Variants in MYO16 observed in about 807,000 individuals in gnomAD.
MYO16 encodes unconventional myosin-XVI.
Under a neutral mutation model 205.3 loss-of-function variants are expected in MYO16, and 94 were observed. The observed-to-expected ratio is 0.46, with a 90% CI of 0.39 to 0.54. MYO16 has a LOEUF of 0.54. Ranked by LOEUF, MYO16 falls within the 20% of genes least tolerant of loss-of-function variation. The pLI, the probability that MYO16 is intolerant of heterozygous loss-of-function variation, is 0.00. For synonymous variants in MYO16, 988 were observed against 954.0 expected, an observed-to-expected ratio of 1.04 and a Z score of -0.66; for missense variants, 2,315 against 2,387.5, an observed-to-expected ratio of 0.97 and a Z score of 0.63.
At chr13:109,027,679 A>T (rs1484773206) in intron 23 of MYO16, among the ~76,000 whole-genome samples, 2 of 152,192 alleles carry the variant, frequency 1.3e-5, no homozygotes, top group African/African-American at 2.4e-5. Context: ...AAATATAATT[A>T]TGAGCCTCAT....
chr13:108,934,329 A>G (rs113054359), intron 16 of MYO16, among the ~76,000 whole-genome samples: 61 of 152,158 alleles, frequency 4.0e-4, no homozygotes, highest in African/African-American at 1.3e-3. Context: ...TTTCATTTAC[A>G]TTTCTCTGAT....
chr13:108,599,752 C>T (rs980305511), intron 1 of MYO16, among the ~76,000 whole-genome samples: 6 of 152,142 alleles, frequency 3.9e-5, no homozygotes, highest in Admixed American at 3.3e-4. Flanking sequence ...AATTACTCCT[C>T]CACCAATTAC....
intron 2 of MYO16, among the ~76,000 whole-genome samples, chr13:108,708,392 A>T (rs1009816652): frequency 6.6e-6 from 1 of 152,208 alleles, no homozygotes; most frequent in African/African-American, 2.4e-5. Flanking sequence ...TTATCATTTC[A>T]GGAGGAAAAA....
At chr13:108,888,567 T>C (rs2139181217) in intron 14 of MYO16, 90 bp downstream of exon 14, 2 of 708,784 alleles carry the variant, frequency 2.8e-6, no homozygotes, top group South Asian at 6.4e-5. Flanking sequence ...TCATAATAGA[T>C]ACAAGGGGGT....
chr13:109,057,871 G>A (rs936568766), intron 27 of MYO16, among the ~76,000 whole-genome samples: 3 of 152,080 alleles, frequency 2.0e-5, no homozygotes, highest in Non-Finnish European at 4.4e-5. Context: ...AATGGAGAGT[G>A]TCAGTCCTAA....
chr13:108,929,355 A>C (rs1300934128), intron 16 of MYO16, among the ~76,000 whole-genome samples: 4 of 152,222 alleles, frequency 2.6e-5, no homozygotes, highest in Non-Finnish European at 5.9e-5. Context: ...ATATTCCCAC[A>C]AGTAATGAAG....
At chr13:108,845,436 G>A (rs1269834733) in intron 10 of MYO16, among the ~76,000 whole-genome samples, 4 of 152,090 alleles carry the variant, frequency 2.6e-5, no homozygotes, top group Non-Finnish European at 4.4e-5. Context: ...AAGGTGCAGG[G>A]TGCCTTCCCA....
the MYO16 span, among the ~76,000 whole-genome samples, chr13:108,500,088 C>A: frequency 1.1e-3 from 173 of 152,018 alleles, no homozygotes; most frequent in African/African-American, 4.1e-3. Context: ...GCCTCCACGT[C>A]TGCATCTCCA....
the MYO16 span, among the ~76,000 whole-genome samples, chr13:108,558,335 C>G: frequency 6.6e-6 from 1 of 152,184 alleles, no homozygotes; most frequent in Admixed American, 6.5e-5. Flanking sequence ...CCTTTTGCCT[C>G]TCATGTTTCC....
intron 6 of MYO16, among the ~76,000 whole-genome samples, chr13:108,795,396 G>A (rs1485004159): frequency 2.6e-5 from 4 of 152,014 alleles, no homozygotes; most frequent in African/African-American, 9.7e-5. Flanking sequence ...TTTTATTAGA[G>A]ACGGGGTTTC....
chr13:108,753,659 T>C (rs1332776519), intron 4 of MYO16, among the ~76,000 whole-genome samples: 1 of 152,240 alleles, frequency 6.6e-6, no homozygotes, highest in African/African-American at 2.4e-5. Context: ...ATAGAAAGTA[T>C]ATGGTGTGTT....
intron 2 of MYO16, among the ~76,000 whole-genome samples, chr13:108,676,823 T>C (rs968635296): frequency 1.3e-5 from 2 of 152,168 alleles, no homozygotes; most frequent in African/African-American, 4.8e-5. Context: ...GTGTCTACTG[T>C]GTCTTTGCTC....
chr13:108,627,185 T>C (rs1879775254), upstream of MYO16, among the ~76,000 whole-genome samples: 1 of 151,922 alleles, frequency 6.6e-6, no homozygotes, highest in Non-Finnish European at 1.5e-5. Context: ...ATTTTTGTTT[T>C]GTAGTGATGA....
intron 27 of MYO16, among the ~76,000 whole-genome samples, chr13:109,086,396 A>G (rs1326798508): frequency 6.6e-6 from 1 of 152,216 alleles, no homozygotes; most frequent in African/African-American, 2.4e-5. Context: ...AAGCTTAGAT[A>G]GGATCCAGCC....
chr13:108,821,907 T>C (rs541533914), intron 8 of MYO16, among the ~76,000 whole-genome samples: 1 of 152,250 alleles, frequency 6.6e-6, no homozygotes. Flanking sequence ...GGGCCCATAA[T>C]AGATCCTCAG....
chr13:108,613,107 A>G (rs1264461040), intron 1 of MYO16, among the ~76,000 whole-genome samples: 1 of 152,194 alleles, frequency 6.6e-6, no homozygotes, highest in East Asian at 1.9e-4. Context: ...CAACACTTTA[A>G]GGTCAAGAAA....
At chr13:108,583,058 T>A in the MYO16 span, among the ~76,000 whole-genome samples, 1 of 152,314 alleles carries the variant, frequency 6.6e-6, no homozygotes, top group South Asian at 2.1e-4. Flanking sequence ...TAAAAATAGA[T>A]TCTATCAAAG....
chr13:109,201,015 A>G (rs1302450921), intron 34 of MYO16, among the ~76,000 whole-genome samples: 1 of 152,066 alleles, frequency 6.6e-6, no homozygotes, highest in Non-Finnish European at 1.5e-5. Flanking sequence ...GAGTAACACC[A>G]ACTGCTGGGT....
At chr13:108,971,863 T>A (rs944784229) in intron 20 of MYO16, among the ~76,000 whole-genome samples, 3 of 151,932 alleles carry the variant, frequency 2.0e-5, no homozygotes, top group Non-Finnish European at 4.4e-5. Context: ...CATATTAAGT[T>A]GTTAGGAGAG....
Sources: gnomAD v4.1 joint callset for allele counts (sites outside exome capture counted in the v4.1 genomes callset) on GRCh38, gnomAD v4.1.1 for gene constraint, MANE v1.5 for transcripts, NCBI Gene and HGNC (gene_info 2026-07-23, HGNC 2026-07-21) for gene names.